The following RNGTT variants were observed in gnomAD, a reference collection of about 807,000 sequenced individuals.
RNGTT encodes mRNA-capping enzyme.
RNGTT carries 33 observed loss-of-function variants against 79.3 expected under a neutral mutation model. The observed-to-expected ratio is 0.42, with a 90% CI of 0.32 to 0.56. The LOEUF is 0.56. Ranked by LOEUF, RNGTT falls within the 20% of genes least tolerant of loss-of-function variation. The pLI, the probability that RNGTT is intolerant of heterozygous loss-of-function variation, is 0.17. For synonymous variants in RNGTT, 222 were observed against 235.9 expected (o/e 0.94, Z 0.54); for missense variants, 497 against 739.1 (o/e 0.67, Z 3.80).
intron 15 of RNGTT, 30 bp downstream of exon 15, chr6:88,614,242 T>C (rs2236287): frequency 1.7e-5 from 27 of 1,606,982 alleles, no homozygotes; most frequent in African/African-American, 2.7e-5. Context: ...GTTTTAAATA[T>C]AATAAGCACT....
At chr6:88,685,075 T>G (rs920078149) in intron 13 of RNGTT, among the ~76,000 whole-genome samples, 1 of 152,166 alleles carries the variant, frequency 6.6e-6, no homozygotes, top group African/African-American at 2.4e-5. Context: ...TCTAGCTATA[T>G]GACATTCGGA....
At chr6:88,658,226 C>T (rs1005782119) in intron 14 of RNGTT, among the ~76,000 whole-genome samples, 1 of 152,188 alleles carries the variant, frequency 6.6e-6, no homozygotes, top group Non-Finnish European at 1.5e-5. Flanking sequence ...CCTGCAACAC[C>T]TTGGCCAACC....
chr6:88,676,345 A>G (rs1046110272), intron 14 of RNGTT, among the ~76,000 whole-genome samples: 3 of 152,164 alleles, frequency 2.0e-5, no homozygotes, highest in African/African-American at 7.2e-5. Context: ...GTCTTGGAAA[A>G]AAATATGTTT....
At chr6:88,792,112 C>T (rs1779443726) in intron 12 of RNGTT, among the ~76,000 whole-genome samples, 1 of 152,116 alleles carries the variant, frequency 6.6e-6, no homozygotes, top group South Asian at 2.1e-4. Flanking sequence ...TTGAAAAGAT[C>T]AGCAAGTTTT....
rs187061860 is a variant in RNGTT at position 88,651,756 on chromosome 6, A to T, written c.1506+26597T>A. 1.0e-3 allele frequency among the ~76,000 whole-genome samples: 155 copies of T among 152,024 alleles called. 1 individual carries two copies. Among genetic ancestry groups the T allele is most frequent in the African/African-American group, 3.6e-3 (149 of 41,528 alleles). Reference sequence around the variant, plus strand: ...ATGTTTCAGCCTTCTTGCCCCCCCAAATTTTTATTTTAAACCAAATTTCCA... The same window carrying T: ...ATGTTTCAGCCTTCTTGCCCCCCCATATTTTTATTTTAAACCAAATTTCCA... On this transcript the variant is annotated intron_variant, in intron 14 of 15. Coordinates refer to ENST00000369485, the MANE Select transcript of RNGTT (RefSeq NM_003800.5).
intron 12 of RNGTT, among the ~76,000 whole-genome samples, chr6:88,787,087 A>C (rs1779252018): frequency 6.6e-6 from 1 of 152,168 alleles, no homozygotes; most frequent in Non-Finnish European, 1.5e-5. Context: ...CACTCGGTTT[A>C]TGGTATTTTG....
chr6:88,662,857 T>C (rs1010722320), intron 14 of RNGTT, among the ~76,000 whole-genome samples: 4 of 152,198 alleles, frequency 2.6e-5, no homozygotes, highest in South Asian at 2.1e-4. Context: ...ATCTGGAACA[T>C]GGTAAGACTG....
At chr6:88,857,183 C>A (rs1781870637) in intron 8 of RNGTT, among the ~76,000 whole-genome samples, 1 of 152,020 alleles carries the variant, frequency 6.6e-6, no homozygotes, top group Non-Finnish European at 1.5e-5. Flanking sequence ...ACCAAATATA[C>A]ATTAATAAAA....
chr6:88,740,762 G>A (rs775352585), intron 13 of RNGTT, among the ~76,000 whole-genome samples: 3 of 152,138 alleles, frequency 2.0e-5, no homozygotes, highest in Non-Finnish European at 4.4e-5. Context: ...GGCCTGTTGA[G>A]GGGTGGAGGA....
chr6:88,915,899 AT>A (rs904253796), intron 4 of RNGTT, among the ~76,000 whole-genome samples: 23 of 152,008 alleles, frequency 1.5e-4, no homozygotes, highest in African/African-American at 3.9e-4. Context: ...ACAAATAAAA[AT>A]TTTTTTTTAA....
chr6:88,771,335 A>G (rs1411457902), intron 12 of RNGTT, among the ~76,000 whole-genome samples: 19 of 129,282 alleles, frequency 1.5e-4, no homozygotes, highest in East Asian at 2.2e-4. Context: ...ATATATATAT[A>G]TATATATATA....
chr6:88,645,776 G>C (rs1773525443), intron 14 of RNGTT, among the ~76,000 whole-genome samples: 1 of 152,200 alleles, frequency 6.6e-6, no homozygotes, highest in African/African-American at 2.4e-5. Context: ...TTTAACAAAT[G>C]GTGCTGGGAA....
rs564631737 is a variant in RNGTT at position 88,863,052 on chromosome 6, CTTT to C, written c.897-9291_897-9289del. On this transcript the variant is annotated intron_variant, in intron 8 of 15. Transcript: ENST00000369485. ...TTATGGCTTTATGGTCTTAAATTCA[CTTT>C]AAGCCCACAGCTCCCTTCTATTATG... Among the ~76,000 whole-genome samples the C allele has an allele frequency of 2.2e-4, 33 of 152,292 alleles. No homozygotes were observed. In the South Asian group the frequency reaches 6.6e-3, roughly 31 times the overall value.
chr6:88,783,654 A>G (rs1308847735), intron 12 of RNGTT, among the ~76,000 whole-genome samples: 1 of 152,190 alleles, frequency 6.6e-6, no homozygotes, highest in African/African-American at 2.4e-5. Flanking sequence ...CTATAAATCT[A>G]AGACAATATG....
intron 14 of RNGTT, among the ~76,000 whole-genome samples, chr6:88,618,927 T>G (rs181087810): frequency 6.6e-6 from 1 of 152,238 alleles, no homozygotes; most frequent in African/African-American, 2.4e-5. Context: ...ACATCTATTA[T>G]CTAGAGTTCT....
intron 13 of RNGTT, among the ~76,000 whole-genome samples, chr6:88,679,237 C>T (rs774022020): frequency 2.0e-5 from 3 of 152,096 alleles, no homozygotes; most frequent in Admixed American, 6.6e-5. Flanking sequence ...GAGAAACTCA[C>T]CATTGGAAAG....
intron 4 of RNGTT, among the ~76,000 whole-genome samples, chr6:88,916,381 G>A (rs1783999572): frequency 6.6e-6 from 1 of 152,214 alleles, no homozygotes; most frequent in South Asian, 2.1e-4. Flanking sequence ...GCTGAGAGGA[G>A]AGGATCGCTT....
intron 11 of RNGTT, among the ~76,000 whole-genome samples, chr6:88,839,299 G>A (rs1302325149): frequency 1.3e-5 from 2 of 152,226 alleles, no homozygotes; most frequent in East Asian, 1.9e-4. Context: ...TGCTGGTCAT[G>A]GTGTCTCATG....
At chr6:88,644,874 T>A (rs1164508694) in intron 14 of RNGTT, among the ~76,000 whole-genome samples, 2 of 152,210 alleles carry the variant, frequency 1.3e-5, no homozygotes, top group African/African-American at 4.8e-5. Context: ...GAGCTATTTA[T>A]GACAAAGCCA....
Sources: gnomAD v4.1 joint callset for allele counts (sites outside exome capture counted in the v4.1 genomes callset) on GRCh38, gnomAD v4.1.1 for gene constraint, MANE v1.5 for transcripts, NCBI Gene and HGNC (gene_info 2026-07-23, HGNC 2026-07-21) for gene names.